The following ROCK2 variants were observed in gnomAD, a reference collection of about 807,000 sequenced individuals.
ROCK2 encodes the protein rho-associated protein kinase 2.
A neutral mutation model predicts 195.1 loss-of-function variants in ROCK2; 61 were observed. That is an observed-to-expected ratio of 0.31 (90% CI 0.25 to 0.39). The LOEUF (loss-of-function observed/expected upper bound fraction) is 0.39, where lower values mean the gene tolerates loss of function less well. Ranked by LOEUF, ROCK2 falls within the 10% of genes least tolerant of loss-of-function variation. The pLI, the probability that ROCK2 is intolerant of heterozygous loss-of-function variation, is 1.00. For synonymous variants in ROCK2, 504 were observed against 545.5 expected (o/e 0.92, Z 1.06); for missense variants, 1,109 against 1,637.4 (o/e 0.68, Z 5.57).
intron 3 of ROCK2, among the ~76,000 whole-genome samples, chr2:11,250,157 ACC>A (rs1665781596): frequency 6.6e-6 from 1 of 152,186 alleles, no homozygotes; most frequent in Non-Finnish European, 1.5e-5. Context: ...CTGAAAAAAA[ACC>A]ATTTATGTAA....
chr2:11,255,035 G>A (rs1665974441), intron 3 of ROCK2, among the ~76,000 whole-genome samples: 1 of 151,802 alleles, frequency 6.6e-6, no homozygotes, highest in Non-Finnish European at 1.5e-5. Context: ...GGCTAACACG[G>A]TGAAACCCCG....
rs79201552 is a variant in ROCK2 at position 11,326,572 on chromosome 2, T to C, written c.141+17424A>G. The stretch of plus-strand genomic sequence containing the variant: ...AAGCTAGAAAGAACTGAGGTTTCGT[T>C]TTTGTTTTGTTTTTTATTTTCTGAC... On this transcript the variant is annotated intron_variant, in intron 1 of 32. Transcript: ENST00000315872. Among the ~76,000 whole-genome samples, 112 of 152,154 alleles carry C rather than the reference T, an allele frequency of 7.4e-4. No homozygotes were observed. The East Asian group carries it at 0.022, about 29-fold the overall frequency.
intron 3 of ROCK2, among the ~76,000 whole-genome samples, chr2:11,272,426 T>C (rs921185136): frequency 3.9e-5 from 6 of 152,236 alleles, no homozygotes; most frequent in African/African-American, 1.4e-4. Context: ...AAATTATTAA[T>C]CTAAAAGCTA....
intron 1 of ROCK2, among the ~76,000 whole-genome samples, chr2:11,314,666 T>A (rs2148236627): frequency 6.6e-6 from 1 of 152,148 alleles, no homozygotes; most frequent in South Asian, 2.1e-4. Flanking sequence ...GGCCAGTATC[T>A]CAGCACCCAT....
intron 3 of ROCK2, among the ~76,000 whole-genome samples, chr2:11,281,030 G>A (rs1458153478): frequency 6.6e-6 from 1 of 151,942 alleles, no homozygotes; most frequent in African/African-American, 2.4e-5. Context: ...GTATTATGCG[G>A]TGTAAAAGAA....
chr2:11,296,247 T>C lies in ROCK2; in HGVS notation c.142-8511A>G, dbSNP rs1309273606. Among the ~76,000 whole-genome samples the C allele has an allele frequency of 2.6e-5, 4 of 152,258 alleles. No individual in the cohort carries two copies. The East Asian group carries it at 7.7e-4, about 29-fold the overall frequency. On this transcript the variant is annotated intron_variant, in intron 1 of 32. Coordinates refer to ENST00000315872, the MANE Select transcript of ROCK2 (RefSeq NM_004850.5). ...GTGGATATACAGTTAAGTAGATAGA[T>C]AGCTAAGCTACTCTGAATATAGAGC...
chr2:11,253,088 G>A (rs192854067), intron 3 of ROCK2, among the ~76,000 whole-genome samples: 1 of 152,094 alleles, frequency 6.6e-6, no homozygotes, highest in East Asian at 1.9e-4. Flanking sequence ...TGTCCACCCA[G>A]TATTCCATCC....
At chr2:11,324,468 A>C (rs1668489554) in intron 1 of ROCK2, among the ~76,000 whole-genome samples, 1 of 152,062 alleles carries the variant, frequency 6.6e-6, no homozygotes, top group African/African-American at 2.4e-5. Context: ...TGTTCACACA[A>C]AAACCTGCAC....
chr2:11,313,229 G>A (rs775748735), intron 1 of ROCK2, among the ~76,000 whole-genome samples: 3 of 152,032 alleles, frequency 2.0e-5, no homozygotes, highest in Non-Finnish European at 4.4e-5. Flanking sequence ...TGGAGTAGCT[G>A]TTACATGGGA....
At chr2:11,270,174 C>G (rs1029659941) in intron 3 of ROCK2, among the ~76,000 whole-genome samples, 5 of 152,044 alleles carry the variant, frequency 3.3e-5, no homozygotes, top group African/African-American at 7.3e-5. Context: ...AAATTTTATT[C>G]CACTCTTTTT....
chr2:11,238,824 G>A (rs536272289), intron 4 of ROCK2, among the ~76,000 whole-genome samples: 48 of 152,234 alleles, frequency 3.2e-4, no homozygotes, highest in Middle Eastern at 6.8e-3. Context: ...TCCAGTCTGC[G>A]CAACACAGTG....
chr2:11,344,335 C>T lies in ROCK2; in HGVS notation c.-199G>A, dbSNP rs577796797. 0.063 allele frequency: 56,138 copies of T among 892,174 alleles called. 1,709 individuals are homozygous for T. The highest frequency in any genetic ancestry group is 0.07 in the Non-Finnish European group (48,605 of 699,244). The allele number at this position is 892,174 out of a possible 1,614,324, so 55.3% of individuals were successfully genotyped here. ...GGGGCCCGCCCGGCCCAGCCCGGCC[C>T]AGCCCGGCCCGGCCCTGCCGGGAGC... is the stretch of plus-strand genomic sequence containing the variant. On this transcript the variant is annotated 5_prime_UTR_variant, in exon 1 of 33. Transcript: ENST00000315872. This position sits in a 1 kb window ranked among gnomAD's most constrained non-coding sequence, Gnocchi z 5.4.
Position 11,214,813 on chromosome 2 carries a change from A to C in ROCK2, c.1936+27T>G. 1.9e-6 allele frequency: 3 copies of C among 1,574,352 alleles called. No homozygotes were observed. In the South Asian group the frequency reaches 3.5e-5, roughly 18 times the overall value. On this transcript the variant is annotated intron_variant, in intron 16 of 32. Coordinates refer to ENST00000315872, the MANE Select transcript of ROCK2 (RefSeq NM_004850.5). ...TTTAAAATAAGAATCATCAAAATTA[A>C]TTCAAGTGCAACCACGACTTCAATA...
chr2:11,268,402 A>G (rs1045524175), intron 3 of ROCK2, among the ~76,000 whole-genome samples: 1 of 152,198 alleles, frequency 6.6e-6, no homozygotes, highest in Non-Finnish European at 1.5e-5. Flanking sequence ...AAGGGAAAGG[A>G]ACATTTTGAA....
intron 4 of ROCK2, among the ~76,000 whole-genome samples, chr2:11,244,304 C>A (rs536836565): frequency 1.3e-3 from 194 of 152,170 alleles, no homozygotes; most frequent in African/African-American, 4.5e-3. Context: ...TACCATCTGG[C>A]CCTTTACCAA....
chr2:11,221,125 G>T, intron 9 of ROCK2, 73 bp downstream of exon 9: 1 of 1,111,740 alleles, frequency 9.0e-7, no homozygotes, highest in Non-Finnish European at 1.2e-6. Context: ...CTATAATTGA[G>T]TCTCAAAATA....
At chr2:11,331,920 T>G (rs538649955) in intron 1 of ROCK2, among the ~76,000 whole-genome samples, 1 of 152,004 alleles carries the variant, frequency 6.6e-6, no homozygotes, top group Admixed American at 6.5e-5. Flanking sequence ...TGTGAGACTG[T>G]CTCAACAACA....
chr2:11,282,981 T>C lies in ROCK2; in HGVS notation c.324+3558A>G, dbSNP rs182213512. Among the ~76,000 whole-genome samples, 122 of 152,202 alleles carry C rather than the reference T, an allele frequency of 8.0e-4. 1 individual carries two copies. Among genetic ancestry groups the C allele is most frequent in the Admixed American group, 7.9e-3 (120 of 15,282 alleles). On this transcript the variant is annotated intron_variant, in intron 3 of 32. Coordinates refer to ENST00000315872, the MANE Select transcript of ROCK2 (RefSeq NM_004850.5). ...AACAGACACTTCATCAAAGAAGATATACAGGCTAGGCGTGGTGGCTCATGC... is the reference window on the plus strand; with the variant it reads ...AACAGACACTTCATCAAAGAAGATACACAGGCTAGGCGTGGTGGCTCATGC...
chr2:11,248,735 A>AAAAAAAAAAAAAAAAAAAAAAAG, intron 4 of ROCK2, among the ~76,000 whole-genome samples: 1 of 139,666 alleles, frequency 7.2e-6, no homozygotes, highest in East Asian at 2.1e-4. Context: ...AAAAAAAAAA[A>AAAAAAAAAAAAAAAAAAAAAAAG]AAAGAAAGAA....
Sources: gnomAD v4.1 joint callset for allele counts (sites outside exome capture counted in the v4.1 genomes callset) on GRCh38, gnomAD v4.1.1 for gene constraint, Gnocchi (gnomAD v3.1) non-coding constraint, MANE v1.5 for transcripts, NCBI Gene and HGNC (gene_info 2026-07-23, HGNC 2026-07-21) for gene names.